C2CD2: variants seen among roughly 807,000 people sequenced by gnomAD.
The protein encoded by C2CD2 is C2 domain-containing protein 2.
A neutral mutation model predicts 74.3 loss-of-function variants in C2CD2; 43 were observed. The observed-to-expected ratio is 0.58, with a 90% confidence interval of 0.45 to 0.75. C2CD2 has a LOEUF of 0.75. C2CD2 is among the 30% of genes least tolerant of loss of function. C2CD2 has a pLI of 0.00. For missense variants in C2CD2, 801 were observed against 916.3 expected (o/e 0.87, Z 1.63); for synonymous variants, 422 against 390.7 (o/e 1.08, Z -0.94).
intron 13 of C2CD2, among the ~76,000 whole-genome samples, chr21:41,891,446 T>TGATGTGGCTAACTGCCTGGTGTATC: frequency 6.6e-6 from 1 of 152,342 alleles, no homozygotes. Context: ...ACAGTGGTGC[T>TGATGTGGCTAACTGCCTGGTGTATC]GATGTGGCTA....
intron 2 of C2CD2, among the ~76,000 whole-genome samples, chr21:41,940,481 C>T (rs997050326): frequency 2.6e-5 from 4 of 152,244 alleles, no homozygotes; most frequent in Non-Finnish European, 4.4e-5. Flanking sequence ...TGGGGCCACA[C>T]AGGCGTCCCC....
chr21:41,907,010 C>A lies in C2CD2; in HGVS notation c.1300G>T (p.Ala434Ser), dbSNP rs1223052681. 6.2e-7 allele frequency: 1 copy of A among 1,613,666 alleles called. No homozygotes were observed. Among genetic ancestry groups the A allele is most frequent in the Non-Finnish European group, 8.5e-7 (1 of 1,179,762 alleles). ...GTCTCACCAGAGCTCAGCGGGGACGCCCTCCCCACGTCGACGCGAGGCTTG... is the reference window on the plus strand; with the variant it reads ...GTCTCACCAGAGCTCAGCGGGGACGACCTCCCCACGTCGACGCGAGGCTTG... The part of the protein sequence containing the change: ...KTKPRVDVGR[A>S]SPLSSDSPVK... The change falls in exon 10 of 14, where the codon GCG (alanine) becomes TCG (serine). Residue 434 changes from alanine (A) to serine (S), a missense_variant. By Grantham distance (99) the Ala-to-Ser change is moderately conservative. Transcript: ENST00000380486.
rs2065244263 is a variant in C2CD2, at chr21:41,929,406, C to T, written c.379-7321G>A. On this transcript the variant is annotated intron_variant, in intron 2 of 13. Coordinates refer to ENST00000380486, the MANE Select transcript of C2CD2 (RefSeq NM_015500.2). The surrounding 1 kb of genome is among the most constrained non-coding windows in gnomAD (Gnocchi z 4.6). ...GCCACAACGTGTGCCATGCGGGGTA[C>T]TGCACGGGCACAGGCCTGCCCTGCT... 6.6e-6 allele frequency among the ~76,000 whole-genome samples: 1 copy of T among 152,218 alleles called. No homozygotes were observed. Among genetic ancestry groups the T allele is most frequent in the Non-Finnish European group, 1.5e-5 (1 of 68,040 alleles).
At chr21:41,944,165 C>T (rs76496831) in intron 1 of C2CD2, among the ~76,000 whole-genome samples, 2,098 of 152,274 alleles carry the variant, frequency 0.014, 50 homozygotes, top group African/African-American at 0.048. Flanking sequence ...TCCCCTGAGG[C>T]GGCAGATGCA....
In C2CD2 at chr21:41,913,486, G is replaced by C. The variant is rs533792964; in HGVS notation, c.845-1046C>G. Reference sequence around the variant, plus strand: ...GAGGCAGGAACGGGGCCTGGCCTCAGGACAGGTACATGTGAGAGCTGGGAC... The same window carrying C: ...GAGGCAGGAACGGGGCCTGGCCTCACGACAGGTACATGTGAGAGCTGGGAC... On this transcript the variant is annotated intron_variant, in intron 6 of 13. Coordinates refer to ENST00000380486, the MANE Select transcript of C2CD2 (RefSeq NM_015500.2). Among the ~76,000 whole-genome samples, 3 of 152,322 alleles carry C rather than the reference G, an allele frequency of 2.0e-5. No homozygotes were observed. The South Asian group carries it at 6.2e-4, about 32-fold the overall frequency.
chr21:41,927,401 G>A (rs1044049788), intron 2 of C2CD2, among the ~76,000 whole-genome samples: 17 of 149,516 alleles, frequency 1.1e-4, no homozygotes, highest in African/African-American at 4.2e-4. Flanking sequence ...CCTGACCTGA[G>A]CCTGCCTCAG....
chr21:41,892,776 C>T lies in C2CD2; in HGVS notation c.1871-3432G>A, dbSNP rs1028275859. The stretch of plus-strand genomic sequence containing the variant: ...AGCACTCGGAGGCCACAGCCGACAA[C>T]GCAGGAGCAGGCCAGGGCCAAGGAC... On this transcript the variant is annotated intron_variant, in intron 13 of 13. Transcript: ENST00000380486. This position sits in a 1 kb window ranked among gnomAD's most constrained non-coding sequence, Gnocchi z 4.6. Among the ~76,000 whole-genome samples the T allele has an allele frequency of 3.9e-5, 6 of 152,256 alleles. No homozygotes were observed. Among genetic ancestry groups the T allele is most frequent in the Admixed American group, 2.0e-4 (3 of 15,290 alleles).
chr21:41,896,529 C>G (rs947879247), intron 13 of C2CD2, among the ~76,000 whole-genome samples: 1 of 152,080 alleles, frequency 6.6e-6, no homozygotes, highest in African/African-American at 2.4e-5. Flanking sequence ...AGTATATCCA[C>G]GACCAACTTC....
At chr21:41,951,537 C>T (rs1049385998) in intron 1 of C2CD2, among the ~76,000 whole-genome samples, 2 of 152,150 alleles carry the variant, frequency 1.3e-5, no homozygotes, top group East Asian at 1.9e-4. Context: ...CAGTGTGTGG[C>T]CAACAGCAGA....
chr21:41,934,843 A>C (rs1276529689), intron 2 of C2CD2, among the ~76,000 whole-genome samples: 1 of 147,552 alleles, frequency 6.8e-6, no homozygotes, highest in Admixed American at 6.8e-5. Flanking sequence ...CTGCTGCTTC[A>C]CAGCCTTGCC....
chr21:41,890,565 G>C (rs2064739640), intron 13 of C2CD2, among the ~76,000 whole-genome samples: 1 of 152,232 alleles, frequency 6.6e-6, no homozygotes, highest in Non-Finnish European at 1.5e-5. Flanking sequence ...ATTACCGCTG[G>C]CATGTAGGTG....
chr21:41,926,635 G>A lies in C2CD2; in HGVS notation c.379-4550C>T. On this transcript the variant is annotated intron_variant, in intron 2 of 13. Transcript: ENST00000380486. The surrounding 1 kb of genome is among the most constrained non-coding windows in gnomAD (Gnocchi z 8.0). The stretch of plus-strand genomic sequence containing the variant: ...TTAGACTTGGGGCCAAAAAATTCCA[G>A]GCACAGTTACTCCAGATTTTGCTAC... 1.0e-6 allele frequency: 1 copy of A among 985,010 alleles called. No individual in the cohort carries two copies. Among genetic ancestry groups the A allele is most frequent in the Non-Finnish European group, 1.2e-6 (1 of 829,628 alleles). 61.0% of individuals were successfully genotyped at this position (985,010 alleles called of 1,614,324 possible).
intron 1 of C2CD2, among the ~76,000 whole-genome samples, chr21:41,943,948 G>A (rs62216679): frequency 0.013 from 2,047 of 152,236 alleles, 26 homozygotes; most frequent in Non-Finnish European, 0.017. Flanking sequence ...CCAGGGCCAC[G>A]CTCTGAGCTT....
chr21:41,921,733 C>G (rs2065155793), intron 3 of C2CD2, among the ~76,000 whole-genome samples: 1 of 151,018 alleles, frequency 6.6e-6, no homozygotes, highest in Non-Finnish European at 1.5e-5. Context: ...AAGAGGCAAC[C>G]CCTGAGTTTA....
rs1569075948 is a variant in C2CD2, at chr21:41,926,575, T to G, written c.379-4490A>C. The G allele has an allele frequency of 2.1e-6, 2 of 957,888 alleles. No homozygotes were observed. Among genetic ancestry groups the G allele is most frequent in the East Asian group, 1.2e-4 (1 of 8,664 alleles). The allele number at this position is 957,888 out of a possible 1,614,324, so 59.3% of individuals were successfully genotyped here. A position where few individuals can be genotyped will look rare whatever the true frequency, so the allele number is the denominator to read the frequency against. The stretch of plus-strand genomic sequence containing the variant: ...TTGACCTCATGTAGTCACATACCTA[T>G]GCAAACAGCGCTTATCTGGAAACTA... On this transcript the variant is annotated intron_variant, in intron 2 of 13. Transcript: ENST00000380486. This position sits in a 1 kb window ranked among gnomAD's most constrained non-coding sequence, Gnocchi z 8.0.
At chr21:41,928,383 G>T (rs767921836) in intron 2 of C2CD2, among the ~76,000 whole-genome samples, 3 of 152,148 alleles carry the variant, frequency 2.0e-5, no homozygotes, top group Non-Finnish European at 4.4e-5. Context: ...TTCAGGGGCA[G>T]TATCTGCCCT....
At chr21:41,930,658 C>T (rs565164092) in intron 2 of C2CD2, among the ~76,000 whole-genome samples, 1 of 149,034 alleles carries the variant, frequency 6.7e-6, no homozygotes. Context: ...GCCAAGATTG[C>T]GCCACTGCAC....
At position 41,892,772 on chromosome 21, in the gene C2CD2, A is replaced by G. The variant is rs567032631; in HGVS notation, c.1871-3428T>C. Among the ~76,000 whole-genome samples the G allele has an allele frequency of 2.6e-5, 4 of 152,358 alleles. No homozygotes were observed. The East Asian group carries it at 7.7e-4, about 29-fold the overall frequency. Reference sequence around the variant, plus strand: ...TTAGAGCACTCGGAGGCCACAGCCGACAACGCAGGAGCAGGCCAGGGCCAA... The same window carrying G: ...TTAGAGCACTCGGAGGCCACAGCCGGCAACGCAGGAGCAGGCCAGGGCCAA... On this transcript the variant is annotated intron_variant, in intron 13 of 13. Transcript: ENST00000380486. The surrounding 1 kb of genome is among the most constrained non-coding windows in gnomAD (Gnocchi z 4.6).
rs890104038 is a variant in C2CD2 at position 41,918,912 on chromosome 21, A to T, written c.541T>A (p.Ser181Thr). The T allele has an allele frequency of 6.2e-7, 1 of 1,614,112 alleles. No homozygotes were observed. The highest frequency in any genetic ancestry group is 1.3e-5 in the African/African-American group (1 of 74,942). Reference protein sequence around the residue: ...EKREDLQISWSFISVPEMAVN... With the variant: ...EKREDLQISWTFISVPEMAVN... ...GCCATTTCCGGCACACTGATGAAAG[A>T]CCAGCTAATCTGGAGGTCCTCTCTC... Residue 181 changes from serine to threonine, a missense_variant, in exon 4 of 14, where the codon TCT becomes ACT. Physicochemically the swap from Ser to Thr is moderately conservative, Grantham distance 58 (BLOSUM62 1). Coordinates refer to ENST00000380486, the MANE Select transcript of C2CD2 (RefSeq NM_015500.2).
Sources: gnomAD v4.1 joint callset for allele counts (sites outside exome capture counted in the v4.1 genomes callset) on GRCh38, gnomAD v4.1.1 for gene constraint, Gnocchi (gnomAD v3.1) non-coding constraint, MANE v1.5 for transcripts, NCBI Gene and HGNC (gene_info 2026-07-23, HGNC 2026-07-21) for gene names.